PHACTR3: variants seen among roughly 807,000 people sequenced by gnomAD.
PHACTR3 encodes the protein phosphatase and actin regulator 3.
Under a neutral mutation model 66.8 loss-of-function variants are expected in PHACTR3, and 16 were observed. The observed-to-expected ratio is 0.24, with a 90% CI of 0.16 to 0.36. PHACTR3 has a LOEUF of 0.36. PHACTR3 is among the 10% of genes least tolerant of loss of function. The pLI is 1.00. For synonymous variants in PHACTR3, 323 were observed against 292.1 expected (o/e 1.11, Z -1.08); for missense variants, 647 against 719.9 (o/e 0.90, Z 1.16).
intron 9 of PHACTR3, among the ~76,000 whole-genome samples, chr20:59,839,890 T>C (rs771670439): frequency 2.0e-5 from 3 of 152,206 alleles, no homozygotes; most frequent in Non-Finnish European, 4.4e-5. Context: ...AGGTGTTCCA[T>C]GTTTTATGTT....
intron 1 of PHACTR3, among the ~76,000 whole-genome samples, chr20:59,610,537 C>T (rs1051268452): frequency 6.6e-6 from 1 of 152,188 alleles, no homozygotes; most frequent in Admixed American, 6.5e-5. Flanking sequence ...ATACAGTAGC[C>T]ACTAACTACA....
chr20:59,786,214 G>A (rs1313905780), intron 7 of PHACTR3, among the ~76,000 whole-genome samples: 1 of 152,254 alleles, frequency 6.6e-6, no homozygotes, highest in Non-Finnish European at 1.5e-5. Flanking sequence ...CTAGCCTGGT[G>A]TCTGGGGGCC....
rs767513241 is a variant in PHACTR3 at position 59,774,417 on chromosome 20, C to A, written c.1101C>A (p.Ile367=). 6.2e-7 allele frequency: 1 copy of A among 1,613,058 alleles called. No homozygotes were observed. Among genetic ancestry groups the A allele is most frequent in the South Asian group, 1.1e-5 (1 of 91,044 alleles). The change falls in exon 7 of 13, where the codon ATC becomes ATA. Residue 367 remains isoleucine (I), a synonymous_variant. Transcript: ENST00000371015. The part of the protein sequence containing the change: ...KESEENKENL[I]INSELKDDLL... ...CTGAGGAGAACAAGGAGAACCTGAT[C>A]ATAAATTCTGAACTCAAAGACGACT...
At chr20:59,627,201 A>T (rs911522557) in intron 1 of PHACTR3, among the ~76,000 whole-genome samples, 8 of 152,284 alleles carry the variant, frequency 5.3e-5, no homozygotes, top group Non-Finnish European at 1.0e-4. Flanking sequence ...AGAGAATGCA[A>T]CCTTGCTGCC....
chr20:59,801,957 A>G (rs1422853961), intron 7 of PHACTR3, among the ~76,000 whole-genome samples: 6 of 152,222 alleles, frequency 3.9e-5, no homozygotes, highest in East Asian at 1.9e-4. Context: ...CAGGTATGGA[A>G]TAGGTCCATT....
At chr20:59,790,495 G>C (rs144439126) in intron 7 of PHACTR3, among the ~76,000 whole-genome samples, 1 of 152,152 alleles carries the variant, frequency 6.6e-6, no homozygotes, top group Non-Finnish European at 1.5e-5. Context: ...CATTTTCTGC[G>C]GCTTTGGTTA....
At chr20:59,693,833 G>A (rs988312560) in intron 1 of PHACTR3, among the ~76,000 whole-genome samples, 2 of 152,170 alleles carry the variant, frequency 1.3e-5, no homozygotes, top group Non-Finnish European at 2.9e-5. Context: ...CTGTTCACAT[G>A]GTGGAGGCAG....
intron 3 of PHACTR3, among the ~76,000 whole-genome samples, chr20:59,752,302 T>C (rs1240303316): frequency 6.6e-6 from 1 of 152,214 alleles, no homozygotes; most frequent in Non-Finnish European, 1.5e-5. Flanking sequence ...TGTGTGCATG[T>C]CTGCAACACG....
At chr20:59,684,538 C>A (rs887439956) in intron 1 of PHACTR3, among the ~76,000 whole-genome samples, 4 of 152,116 alleles carry the variant, frequency 2.6e-5, no homozygotes, top group African/African-American at 9.7e-5. Context: ...TGCAATCCAC[C>A]CTAGGCTGAT....
At chr20:59,710,949 A>G (rs556831253) in intron 1 of PHACTR3, among the ~76,000 whole-genome samples, 139 of 152,308 alleles carry the variant, frequency 9.1e-4, no homozygotes, top group African/African-American at 3.0e-3. Flanking sequence ...CACACTCATT[A>G]TAGAATATTT....
At chr20:59,784,146 G>A (rs2040824137) in intron 7 of PHACTR3, among the ~76,000 whole-genome samples, 3 of 152,110 alleles carry the variant, frequency 2.0e-5, no homozygotes, top group African/African-American at 7.2e-5. Context: ...AGAATAAATT[G>A]GAGTTTCCCA....
chr20:59,594,829 C>T (rs1189747320), intron 1 of PHACTR3, among the ~76,000 whole-genome samples: 3 of 151,994 alleles, frequency 2.0e-5, no homozygotes, highest in Non-Finnish European at 2.9e-5. Flanking sequence ...TATCTGCTTG[C>T]TTTGGATTTA....
At chr20:59,774,220 C>G in intron 6 of PHACTR3, 23 bp from the exon 7 acceptor site, 1 of 1,557,234 alleles carries the variant, frequency 6.4e-7, no homozygotes, top group Non-Finnish European at 8.7e-7. Flanking sequence ...TGACCTATAA[C>G]CTGAACCATC....
intron 1 of PHACTR3, among the ~76,000 whole-genome samples, chr20:59,622,718 G>C (rs140827122): frequency 0.014 from 2,200 of 152,098 alleles, 19 homozygotes; most frequent in Non-Finnish European, 0.022. Flanking sequence ...CCAGGGGTTA[G>C]AGATGCCTCG....
At chr20:59,728,393 A>T (rs2038639783) in intron 1 of PHACTR3, among the ~76,000 whole-genome samples, 1 of 152,128 alleles carries the variant, frequency 6.6e-6, no homozygotes, top group Non-Finnish European at 1.5e-5. Flanking sequence ...TAGCAGCTCC[A>T]CTTCCGGGTA....
intron 1 of PHACTR3, among the ~76,000 whole-genome samples, chr20:59,659,975 C>A (rs946274837): frequency 2.0e-5 from 3 of 152,164 alleles, no homozygotes; most frequent in Admixed American, 1.3e-4. Flanking sequence ...TAAAGACTTG[C>A]AATGCCCTGG....
intron 8 of PHACTR3, among the ~76,000 whole-genome samples, chr20:59,822,040 G>GCA (rs2042052392): frequency 2.3e-5 from 1 of 43,160 alleles, no homozygotes; most frequent in African/African-American, 9.9e-5. Context: ...CTTCCCCAGC[G>GCA]ATCCCACCCC....
chr20:59,792,248 G>A (rs903072199), intron 7 of PHACTR3, among the ~76,000 whole-genome samples: 1 of 152,186 alleles, frequency 6.6e-6, no homozygotes. Flanking sequence ...GTTGTTTTTA[G>A]TTATTACAAA....
At position 59,829,728 on chromosome 20, in the gene PHACTR3, G is replaced by T. The variant is rs1213037416; in HGVS notation, c.1329-6777G>T. Among the ~76,000 whole-genome samples, 1 of 152,256 alleles carries T rather than the reference G, an allele frequency of 6.6e-6. No homozygotes were observed. The highest frequency in any genetic ancestry group is 1.5e-5 in the Non-Finnish European group (1 of 68,044). ...TCCCAAAATAGCCCGGGCGTCCCCT[G>T]TGGGTGTCGAGCTGTCTGTTCTCTC... On this transcript the variant is annotated intron_variant, in intron 8 of 12. Coordinates refer to ENST00000371015, the MANE Select transcript of PHACTR3 (RefSeq NM_080672.5). This position sits in a 1 kb window ranked among gnomAD's most constrained non-coding sequence, Gnocchi z 4.2.
Sources: allele counts gnomAD v4.1 joint callset (sites outside exome capture counted in the v4.1 genomes callset), GRCh38; gene constraint gnomAD v4.1.1; non-coding constraint Gnocchi (gnomAD v3.1); transcripts MANE v1.5; gene names NCBI Gene and HGNC (gene_info 2026-07-23, HGNC 2026-07-21).